DPP4: variants seen among roughly 807,000 people sequenced by gnomAD.
DPP4 encodes dipeptidyl peptidase 4.
In DPP4, 93 loss-of-function variants were observed where a neutral mutation model predicts 122.4. The ratio of observed to expected loss-of-function variants is 0.76; its 90% confidence interval spans 0.64 to 0.90. DPP4 has a LOEUF of 0.90. DPP4 is among the 40% of genes least tolerant of loss of function. The probability of loss-of-function intolerance (pLI) is 0.00; values close to 1 mark genes in which losing one functional copy is unlikely to be tolerated. For missense variants in DPP4, 914 were observed against 907.3 expected, an observed-to-expected ratio of 1.01 and a Z score of -0.09; for synonymous variants, 321 against 302.9, an observed-to-expected ratio of 1.06 and a Z score of -0.62.
chr2:162,024,718 T>G, intron 11 of DPP4, 86 bp downstream of exon 11: 2 of 1,503,752 alleles, frequency 1.3e-6, no homozygotes, highest in Non-Finnish European at 1.8e-6. Flanking sequence ...CTTCATTTCC[T>G]GATTCCCAGC....
At chr2:162,055,240 A>T (rs533247721) in intron 2 of DPP4, among the ~76,000 whole-genome samples, 1 of 152,348 alleles carries the variant, frequency 6.6e-6, no homozygotes, top group South Asian at 2.1e-4. Flanking sequence ...GCCTAACACC[A>T]TCCATAGCCT....
At position 162,038,317 on chromosome 2, in the gene DPP4, C is replaced by G. The variant is rs776499663; in HGVS notation, c.598G>C (p.Asp200His). 1.9e-6 allele frequency: 3 copies of G among 1,584,352 alleles called. No individual in the cohort carries two copies. The highest frequency in any genetic ancestry group is 2.6e-6 in the Non-Finnish European group (3 of 1,168,454). The change falls in exon 8 of 26, where the codon GAC (aspartate) becomes CAC (histidine). Residue 200 changes from aspartate (D) to histidine (H), a missense_variant. Physicochemically the swap from Asp to His is moderately conservative, Grantham distance 81. Coordinates refer to ENST00000360534, the MANE Select transcript of DPP4 (RefSeq NM_001935.4). ...AAGTTTCTACCTTCATAAACCCAGT[C>G]AGTTATTCCATTATATATTATATCT... ...KEDIIYNGIT[D>H]WVYEEEVFSA...
At chr2:161,998,783 A>T (rs1168914659) in intron 23 of DPP4, among the ~76,000 whole-genome samples, 1 of 152,214 alleles carries the variant, frequency 6.6e-6, no homozygotes, top group Non-Finnish European at 1.5e-5. Context: ...TGTGATGTAC[A>T]CACTGTAGCT....
chr2:162,020,065 T>C (rs1450072251), intron 14 of DPP4, among the ~76,000 whole-genome samples, 164 bp downstream of exon 14: 1 of 152,176 alleles, frequency 6.6e-6, no homozygotes, highest in Non-Finnish European at 1.5e-5. Context: ...GCTAAGCATA[T>C]GTGAAAATCA....
intron 2 of DPP4, among the ~76,000 whole-genome samples, chr2:162,061,647 A>G (rs1259033933): frequency 6.6e-6 from 1 of 152,178 alleles, no homozygotes; most frequent in African/African-American, 2.4e-5. Flanking sequence ...AAATATAATA[A>G]TTTTATTCAG....
At chr2:162,055,045 C>T (rs900272595) in intron 2 of DPP4, among the ~76,000 whole-genome samples, 2 of 152,222 alleles carry the variant, frequency 1.3e-5, no homozygotes, top group South Asian at 2.1e-4. Flanking sequence ...AAGCACCTAA[C>T]GGTGAGATTA....
chr2:162,027,492 G>A (rs1683373701), intron 10 of DPP4, among the ~76,000 whole-genome samples: 1 of 152,040 alleles, frequency 6.6e-6, no homozygotes, highest in African/African-American at 2.4e-5. Flanking sequence ...AAACCATTTG[G>A]ACAATCTGAT....
At chr2:162,022,731 A>C (rs772818144) in intron 12 of DPP4, 24 bp downstream of exon 12, 30 of 1,613,370 alleles carry the variant, frequency 1.9e-5, no homozygotes, top group Non-Finnish European at 2.5e-5. Flanking sequence ...TCATCCATAA[A>C]ACCCCACAAC....
intron 2 of DPP4, among the ~76,000 whole-genome samples, chr2:162,061,002 C>CCTTCCT: frequency 8.4e-6 from 1 of 118,436 alleles, no homozygotes; most frequent in African/African-American, 3.8e-5. Flanking sequence ...CCCTCCCTCC[C>CCTTCCT]TCCCTCCTTC....
chr2:162,037,024 T>C (rs1226207795), intron 8 of DPP4, among the ~76,000 whole-genome samples: 1 of 152,168 alleles, frequency 6.6e-6, no homozygotes, highest in Non-Finnish European at 1.5e-5. Context: ...AATTAGCAGG[T>C]AGTGATGTTT....
At chr2:162,044,944 T>C (rs1299956415) in intron 5 of DPP4, among the ~76,000 whole-genome samples, 1 of 151,424 alleles carries the variant, frequency 6.6e-6, no homozygotes, top group Non-Finnish European at 1.5e-5. Flanking sequence ...ACTCTTCCTT[T>C]TCTTTTTCTT....
intron 8 of DPP4, among the ~76,000 whole-genome samples, chr2:162,035,659 C>G (rs1683741800): frequency 1.3e-5 from 2 of 152,092 alleles, no homozygotes; most frequent in African/African-American, 4.8e-5. Flanking sequence ...ACACAGGAGG[C>G]TGATTCTCCT....
intron 10 of DPP4, among the ~76,000 whole-genome samples, chr2:162,033,128 G>A (rs1683621116): frequency 6.6e-6 from 1 of 152,124 alleles, no homozygotes; most frequent in Non-Finnish European, 1.5e-5. Flanking sequence ...GAGCCCTCCT[G>A]CTCTTCACAT....
At chr2:162,000,753 A>T (rs751876616) in intron 23 of DPP4, among the ~76,000 whole-genome samples, 1 of 152,212 alleles carries the variant, frequency 6.6e-6, no homozygotes, top group African/African-American at 2.4e-5. Flanking sequence ...AAGTTAAATC[A>T]GTCCCTTCTG....
rs761253936 is a variant in DPP4, at chr2:162,017,388, G to A, written c.1421-233C>T. 3.7e-5 allele frequency: 18 copies of A among 492,128 alleles called. 1 individual carries two copies. Among genetic ancestry groups the A allele is most frequent in the Non-Finnish European group, 7.2e-6 (2 of 277,742 alleles). The allele number at this position is 492,128 out of a possible 1,614,324, so 30.5% of individuals were successfully genotyped here. ...GGAAAGGCACAGGGCTCAGTAGAAT[G>A]AAGTAGGAAATGAATCTGTGCCCTG... is the stretch of plus-strand genomic sequence containing the variant. On this transcript the variant is annotated intron_variant, in intron 16 of 25. Coordinates refer to ENST00000360534, the MANE Select transcript of DPP4 (RefSeq NM_001935.4).
intron 2 of DPP4, among the ~76,000 whole-genome samples, chr2:162,052,627 C>T (rs141132638): frequency 8.1e-4 from 124 of 152,150 alleles, no homozygotes; most frequent in Non-Finnish European, 1.3e-3. Context: ...GTTACAGATA[C>T]CTAAAAATGT....
At chr2:161,994,571 C>A (rs759405668) in intron 25 of DPP4, among the ~76,000 whole-genome samples, 2 of 152,214 alleles carry the variant, frequency 1.3e-5, no homozygotes, top group African/African-American at 4.8e-5. Context: ...GCTAGTAATA[C>A]ATACCAGACA....
chr2:162,059,341 G>A (rs752975181), intron 2 of DPP4, among the ~76,000 whole-genome samples: 9 of 152,012 alleles, frequency 5.9e-5, no homozygotes, highest in African/African-American at 1.2e-4. Context: ...AAACTAATAC[G>A]TACAGGGCTT....
In DPP4 at chr2:162,038,934, G is replaced by A. The variant is rs1192523692; in HGVS notation, c.492+15C>T. On this transcript the variant is annotated intron_variant, in intron 7 of 25. Transcript: ENST00000360534. ...TGAGCCTATATTTTTCTGACAACTG[G>A]AGAGACTCACTAACCAATTTATGAC... The A allele has an allele frequency of 6.2e-6, 10 of 1,612,296 alleles. No homozygotes were observed. The highest frequency in any genetic ancestry group is 3.3e-5 in the Admixed American group (2 of 59,938).
Sources: gnomAD v4.1 joint callset for allele counts (sites outside exome capture counted in the v4.1 genomes callset) on GRCh38, gnomAD v4.1.1 for gene constraint, MANE v1.5 for transcripts, NCBI Gene and HGNC (gene_info 2026-07-23, HGNC 2026-07-21) for gene names.